MYRIP: variants seen among roughly 807,000 people sequenced by gnomAD.
MYRIP encodes rab effector MyRIP.
In MYRIP, 49 loss-of-function variants were observed where a neutral mutation model predicts 98.0. The ratio of observed to expected loss-of-function variants is 0.50; its 90% CI spans 0.40 to 0.63. MYRIP has a LOEUF of 0.63. Ranked by LOEUF, MYRIP falls within the 30% of genes least tolerant of loss-of-function variation. The pLI, the probability that MYRIP is intolerant of heterozygous loss-of-function variation, is 0.00. For missense variants in MYRIP, 1,004 were observed against 1,058.2 expected (o/e 0.95, Z 0.71); for synonymous variants, 404 against 409.5 (o/e 0.99, Z 0.16).
intron 2 of MYRIP, among the ~76,000 whole-genome samples, chr3:39,930,580 A>AGTTG (rs1369560260): frequency 7.3e-6 from 1 of 136,418 alleles, no homozygotes; most frequent in Non-Finnish European, 1.6e-5. Context: ...GCTTATGCTT[A>AGTTG]TTTCTAAGAA....
At chr3:40,059,011 C>T (rs376000555) in intron 3 of MYRIP, among the ~76,000 whole-genome samples, 3 of 151,260 alleles carry the variant, frequency 2.0e-5, no homozygotes, top group Admixed American at 2.0e-4. Flanking sequence ...TCAGCTCCCA[C>T]TTATGAGTGA....
intron 3 of MYRIP, among the ~76,000 whole-genome samples, chr3:40,069,194 G>T (rs1297508658): frequency 1.3e-5 from 2 of 152,060 alleles, no homozygotes; most frequent in Non-Finnish European, 2.9e-5. Flanking sequence ...CATGTTTTGG[G>T]GATGCACCTG....
chr3:40,092,759 G>T (rs1272984572), intron 3 of MYRIP, among the ~76,000 whole-genome samples: 2 of 152,218 alleles, frequency 1.3e-5, no homozygotes, highest in Non-Finnish European at 2.9e-5. Flanking sequence ...AAGGCACTGA[G>T]CTTGGATTTG....
chr3:40,087,818 C>A (rs536452728), intron 3 of MYRIP, among the ~76,000 whole-genome samples: 3 of 152,232 alleles, frequency 2.0e-5, no homozygotes, highest in African/African-American at 7.2e-5. Context: ...TTCCAAGAAA[C>A]AACAGGAAGA....
rs188981821 is a variant in MYRIP, at chr3:39,950,153, C to A, written c.110+49227C>A. On this transcript the variant is annotated intron_variant, in intron 2 of 16. Transcript: ENST00000302541. ...GGTATGTTTTTCAAAAATATGAATT[C>A]TTCCATCTTTAGTTTGTGCTTTTTA... 1.1e-3 allele frequency among the ~76,000 whole-genome samples: 173 copies of A among 152,102 alleles called. 1 individual carries two copies. Among genetic ancestry groups the A allele is most frequent in the African/African-American group, 4.0e-3 (164 of 41,518 alleles).
chr3:40,227,824 G>A (rs1484574390), intron 11 of MYRIP, among the ~76,000 whole-genome samples: 1 of 152,152 alleles, frequency 6.6e-6, no homozygotes, highest in Admixed American at 6.5e-5. Context: ...GACACTGGGT[G>A]GACACCTGAC....
At chr3:40,224,514 G>T (rs1425586938) in intron 11 of MYRIP, among the ~76,000 whole-genome samples, 2 of 152,016 alleles carry the variant, frequency 1.3e-5, no homozygotes, top group African/African-American at 2.4e-5. Context: ...TTGGTCAAAG[G>T]TGATGCCCCC....
chr3:40,009,533 C>G, intron 2 of MYRIP, among the ~76,000 whole-genome samples: 1 of 152,150 alleles, frequency 6.6e-6, no homozygotes, highest in East Asian at 1.9e-4. Flanking sequence ...TGAGCCACCA[C>G]GCCTGGCCCC....
intron 2 of MYRIP, among the ~76,000 whole-genome samples, chr3:40,025,007 C>A (rs965157913): frequency 8.5e-5 from 13 of 152,192 alleles, no homozygotes; most frequent in Non-Finnish European, 1.6e-4. Context: ...CTGCTGATAT[C>A]CCTTCTTTGC....
intron 2 of MYRIP, among the ~76,000 whole-genome samples, chr3:39,986,483 T>C (rs773998371): frequency 1.3e-5 from 2 of 151,960 alleles, no homozygotes; most frequent in African/African-American, 2.4e-5. Flanking sequence ...TCTCTTTCTC[T>C]CAACTTCCCT....
At chr3:39,995,901 T>A (rs1946339013) in intron 2 of MYRIP, among the ~76,000 whole-genome samples, 2 of 152,202 alleles carry the variant, frequency 1.3e-5, no homozygotes, top group East Asian at 3.9e-4. Context: ...TAAAAGAATT[T>A]TCAACCCAGA....
At chr3:40,184,834 C>T (rs1279742224) in intron 9 of MYRIP, among the ~76,000 whole-genome samples, 1 of 152,118 alleles carries the variant, frequency 6.6e-6, no homozygotes, top group Non-Finnish European at 1.5e-5. Flanking sequence ...AAACTTAGTT[C>T]CACAGCATCA....
Position 40,162,974 on chromosome 3 carries a change from A to G in MYRIP, c.550+164A>G. 5.1e-6 allele frequency: 3 copies of G among 590,756 alleles called. No individual in the cohort carries two copies. The South Asian group carries it at 7.0e-5, about 14-fold the overall frequency. 36.6% of individuals were successfully genotyped at this position (590,756 alleles called of 1,614,324 possible). ...GTCACTTATTATTGCCAATTGTATGAATCCATCATCAAAATAGGTGAGTAT... is the reference window on the plus strand; with the variant it reads ...GTCACTTATTATTGCCAATTGTATGGATCCATCATCAAAATAGGTGAGTAT... On this transcript the variant is annotated intron_variant, in intron 5 of 16. Coordinates refer to ENST00000302541, the MANE Select transcript of MYRIP (RefSeq NM_015460.4).
At chr3:40,118,160 A>G (rs912895821) in intron 3 of MYRIP, among the ~76,000 whole-genome samples, 18 of 152,258 alleles carry the variant, frequency 1.2e-4, no homozygotes, top group African/African-American at 1.9e-4. Flanking sequence ...AATTAAAACT[A>G]TAATGGCATA....
chr3:40,091,001 C>A (rs890355176), intron 3 of MYRIP, among the ~76,000 whole-genome samples: 1 of 152,170 alleles, frequency 6.6e-6, no homozygotes. Flanking sequence ...TGCTTCCAGG[C>A]AAGCGAGCAC....
At chr3:39,856,551 A>C (rs1942301180) in intron 1 of MYRIP, among the ~76,000 whole-genome samples, 1 of 152,166 alleles carries the variant, frequency 6.6e-6, no homozygotes, top group Admixed American at 6.5e-5. Context: ...CAGCCCAGCC[A>C]AAAGCCCTGC....
rs1199264520 is a variant in MYRIP, at chr3:40,162,802, A to G, written c.542A>G (p.Gln181Arg). 4 of 1,613,994 alleles carry G rather than the reference A, an allele frequency of 2.5e-6. No homozygotes were observed. Among genetic ancestry groups the G allele is most frequent in the Admixed American group, 3.3e-5 (2 of 60,026 alleles). Residue 181 changes from glutamine (Q) to arginine (R), a missense_variant, in exon 5 of 17, where the codon CAG (glutamine) becomes CGG (arginine). Transcript: ENST00000302541. The stretch of plus-strand genomic sequence containing the variant: ...GGCAGTGATTCAACATTTTATAGGC[A>G]GTCAGAAGGTAAAGTTGCTTAAGAG... Reference protein sequence around the residue: ...ISGSDSTFYRQSEGHSVMDTL... With the variant: ...ISGSDSTFYRRSEGHSVMDTL...
chr3:39,914,940 A>G (rs956886791), intron 2 of MYRIP, among the ~76,000 whole-genome samples: 1 of 152,092 alleles, frequency 6.6e-6, no homozygotes, highest in Non-Finnish European at 1.5e-5. Flanking sequence ...GCCCCTTTGC[A>G]GCATGACACT....
chr3:40,152,035 G>A (rs557248159), intron 4 of MYRIP, among the ~76,000 whole-genome samples: 3 of 152,182 alleles, frequency 2.0e-5, no homozygotes, highest in Non-Finnish European at 4.4e-5. Context: ...TAGAATGGAG[G>A]CACTAAACAT....
Sources: gnomAD v4.1 joint callset for allele counts (sites outside exome capture counted in the v4.1 genomes callset) on GRCh38, gnomAD v4.1.1 for gene constraint, MANE v1.5 for transcripts, NCBI Gene and HGNC (gene_info 2026-07-23, HGNC 2026-07-21) for gene names.